Variants in TSPEAR observed in about 807,000 individuals in gnomAD.
The protein encoded by TSPEAR is thrombospondin type laminin G domain and EAR repeats.
A neutral mutation model predicts 71.6 loss-of-function variants in TSPEAR; 69 were observed. That is an observed-to-expected ratio of 0.96 (90% CI 0.79 to 1.18). The LOEUF (loss-of-function observed/expected upper bound fraction) is 1.18. Among genes scored for constraint, TSPEAR ranks in the 50% most tolerant of loss-of-function variants. TSPEAR has a pLI of 0.00. For synonymous variants in TSPEAR, 402 were observed against 387.2 expected, an observed-to-expected ratio of 1.04 and a Z score of -0.45; for missense variants, 971 against 894.9, an observed-to-expected ratio of 1.09 and a Z score of -1.09.
intron 2 of TSPEAR, among the ~76,000 whole-genome samples, chr21:44,559,961 G>C (rs2053609134): frequency 6.6e-6 from 1 of 152,136 alleles, no homozygotes; most frequent in Admixed American, 6.5e-5. Context: ...TAAGGGCTCT[G>C]TTGGAGGACT....
intron 1 of TSPEAR, chr21:44,657,879 G>C (rs1334499103): frequency 2.7e-6 from 3 of 1,117,732 alleles, no homozygotes; most frequent in African/African-American, 1.5e-5. Context: ...TTGTGTTTTT[G>C]TGTTACCCAG....
At chr21:44,672,574 C>A (rs1466633484) in intron 1 of TSPEAR, among the ~76,000 whole-genome samples, 1 of 150,914 alleles carries the variant, frequency 6.6e-6, no homozygotes, top group African/African-American at 2.4e-5. Flanking sequence ...CGTCTCAAAA[C>A]AAAAAAAAAA....
intron 1 of TSPEAR, chr21:44,574,633 G>A (rs782376734): frequency 7.8e-7 from 1 of 1,287,516 alleles, no homozygotes; most frequent in Non-Finnish European, 1.0e-6. Context: ...ATCTGCTCTG[G>A]GGCTTCCTCT....
At chr21:44,702,395 G>GCCAATCAGGCTGCAC (rs1555951676) in intron 1 of TSPEAR, 20 of 1,591,482 alleles carry the variant, frequency 1.3e-5, no homozygotes, top group African/African-American at 9.6e-5. Context: ...CCCAGCTCCT[G>GCCAATCAGGCTGCAC]CACGCCCTTG....
At chr21:44,592,686 G>A (rs1033266907) in intron 1 of TSPEAR, among the ~76,000 whole-genome samples, 1 of 152,182 alleles carries the variant, frequency 6.6e-6, no homozygotes, top group Non-Finnish European at 1.5e-5. Flanking sequence ...CATCTGGGCT[G>A]TGTCCCATCC....
At chr21:44,675,870 A>T in intron 1 of TSPEAR, 1 of 696,152 alleles carries the variant, frequency 1.4e-6, no homozygotes, top group Non-Finnish European at 2.6e-6. Flanking sequence ...CCTAGACCTT[A>T]CTCTGGCTGT....
chr21:44,685,440 C>T (rs1986811450), intron 1 of TSPEAR, among the ~76,000 whole-genome samples: 2 of 152,088 alleles, frequency 1.3e-5, no homozygotes, highest in African/African-American at 2.4e-5. Flanking sequence ...CAAGCTGCCT[C>T]TGCAGGGGTG....
chr21:44,586,810 T>C (rs1555925745), intron 1 of TSPEAR, among the ~76,000 whole-genome samples: 1 of 152,196 alleles, frequency 6.6e-6, no homozygotes, highest in Non-Finnish European at 1.5e-5. Flanking sequence ...GATCAATAGA[T>C]GCAGAAAAAG....
At chr21:44,697,882 C>A (rs1987455367) in intron 1 of TSPEAR, 1 of 1,603,242 alleles carries the variant, frequency 6.2e-7, no homozygotes, top group East Asian at 2.2e-5. Flanking sequence ...GCTGCGGCCG[C>A]CTGGCCTCCT....
intron 1 of TSPEAR, among the ~76,000 whole-genome samples, chr21:44,633,797 T>C (rs1263253427): frequency 6.6e-6 from 1 of 152,146 alleles, no homozygotes; most frequent in African/African-American, 2.4e-5. Context: ...TATTTAAAAA[T>C]TTTTTTTAAT....
intron 2 of TSPEAR, among the ~76,000 whole-genome samples, chr21:44,565,608 AC>A (rs1198436659): frequency 6.6e-6 from 1 of 152,190 alleles, no homozygotes; most frequent in African/African-American, 2.4e-5. Context: ...AGAATAAAAA[AC>A]AAAAATAGCA....
At chr21:44,692,916 G>A (rs1232660897) in intron 1 of TSPEAR, among the ~76,000 whole-genome samples, 1 of 151,948 alleles carries the variant, frequency 6.6e-6, no homozygotes, top group Non-Finnish European at 1.5e-5. Flanking sequence ...TCTTGAAAAA[G>A]AGGGACAAAG....
intron 1 of TSPEAR, among the ~76,000 whole-genome samples, chr21:44,650,688 G>T (rs782271186): frequency 8.5e-5 from 13 of 152,224 alleles, no homozygotes; most frequent in Non-Finnish European, 1.8e-4. Flanking sequence ...GCTGGCGTGG[G>T]ACTCTGTCAC....
At chr21:44,641,480 C>T (rs1984018426) in intron 1 of TSPEAR, among the ~76,000 whole-genome samples, 1 of 152,110 alleles carries the variant, frequency 6.6e-6, no homozygotes, top group Admixed American at 6.5e-5. Flanking sequence ...GAGATAAAGC[C>T]AAGAAGAGCC....
intron 2 of TSPEAR, chr21:44,551,065 C>A: frequency 6.2e-7 from 1 of 1,606,288 alleles, no homozygotes. Flanking sequence ...GAGGAAGAGG[C>A]ACAGCAAGCT....
At chr21:44,530,908 G>A (rs2052956614) in intron 4 of TSPEAR, 135 bp downstream of exon 4, 4 of 743,780 alleles carry the variant, frequency 5.4e-6, no homozygotes, top group Non-Finnish European at 9.4e-6. Flanking sequence ...CTGTGGTAGA[G>A]ACTCCACGCA....
In TSPEAR at chr21:44,499,792, C is replaced by A. The variant is rs782513481; in HGVS notation, c.2001G>T (p.Arg667Ser). Reference protein sequence around the residue: ...KEPLSRVLRLRTR With the variant: ...KEPLSRVLRLSTR ...CCGGGCAGCCGCGGCCTCAGCGTGT[C>A]CTCAGCCGCAGGACCCTGGAGAGGG... The change falls in exon 12 of 12, where the codon AGG becomes AGT. Residue 667 changes from arginine (R) to serine (S), a missense_variant. Coordinates refer to ENST00000323084, the MANE Select transcript of TSPEAR (RefSeq NM_144991.3). 5.7e-6 allele frequency: 9 copies of A among 1,568,764 alleles called. No individual in the cohort carries two copies. The highest frequency in any genetic ancestry group is 7.8e-6 in the Non-Finnish European group (9 of 1,158,318).
intron 8 of TSPEAR, among the ~76,000 whole-genome samples, chr21:44,524,498 G>A (rs1466197850): frequency 6.6e-6 from 1 of 151,886 alleles, no homozygotes; most frequent in East Asian, 1.9e-4. Context: ...TAGTTAGTCA[G>A]GTAGTCAGTC....
intron 1 of TSPEAR, among the ~76,000 whole-genome samples, chr21:44,599,103 T>C (rs1001597377): frequency 1.5e-5 from 2 of 137,014 alleles, no homozygotes; most frequent in Non-Finnish European, 3.1e-5. Context: ...ACATAGCTAC[T>C]TTGTCCCATA....
Sources: allele counts gnomAD v4.1 joint callset (sites outside exome capture counted in the v4.1 genomes callset), GRCh38; gene constraint gnomAD v4.1.1; transcripts MANE v1.5; gene names NCBI Gene and HGNC (gene_info 2026-07-23, HGNC 2026-07-21).